Variants in UBE2E2 observed in about 807,000 individuals in gnomAD.
UBE2E2 encodes ubiquitin conjugating enzyme E2 E2.
UBE2E2 carries 6 observed loss-of-function variants against 24.7 expected under a neutral mutation model. The ratio of observed to expected loss-of-function variants is 0.24; its 90% confidence interval spans 0.13 to 0.48. The LOEUF (loss-of-function observed/expected upper bound fraction) is 0.48. Ranked by LOEUF, UBE2E2 falls within the 20% of genes least tolerant of loss-of-function variation. The pLI, the probability that UBE2E2 is intolerant of heterozygous loss-of-function variation, is 0.99. For synonymous variants in UBE2E2, 104 were observed against 83.6 expected (o/e 1.24, Z -1.33); for missense variants, 169 against 245.0 (o/e 0.69, Z 2.07).
chr3:23,507,313 A>G (rs1015287408), intron 4 of UBE2E2, among the ~76,000 whole-genome samples: 4 of 152,092 alleles, frequency 2.6e-5, no homozygotes, highest in African/African-American at 7.2e-5. Flanking sequence ...ATTTTTTGCT[A>G]TAGCACCTCT....
chr3:23,366,326 A>T (rs986383164), intron 3 of UBE2E2, among the ~76,000 whole-genome samples: 2 of 152,172 alleles, frequency 1.3e-5, no homozygotes, highest in Non-Finnish European at 2.9e-5. Context: ...TACCTGAAGG[A>T]ATATAAATCA....
rs35038477 is a variant in UBE2E2, at chr3:23,348,347, C to CAAAAAAAAAAAAAAAA, written c.227+131037_227+131052dup. Among the ~76,000 whole-genome samples the CAAAAAAAAAAAAAAAA allele has an allele frequency of 8.9e-4, 109 of 121,932 alleles. 3 individuals are homozygous for CAAAAAAAAAAAAAAAA. Among genetic ancestry groups the CAAAAAAAAAAAAAAAA allele is most frequent in the East Asian group, 5.8e-3 (23 of 3,960 alleles). The allele number at this position is 121,932 out of a possible 152,430, so 80.0% of individuals were successfully genotyped here. A position where few individuals can be genotyped will look rare whatever the true frequency, so the allele number is the denominator to read the frequency against. On this transcript the variant is annotated intron_variant, in intron 3 of 5. Coordinates refer to ENST00000396703, the MANE Select transcript of UBE2E2 (RefSeq NM_152653.4). ...GAATAAAATGAGCCTGTGCTGCTTT[C>CAAAAAAAAAAAAAAAA]AAAAAAAAAAAAAAAAAGAATAGTC... is the stretch of plus-strand genomic sequence containing the variant.
intron 5 of UBE2E2, among the ~76,000 whole-genome samples, chr3:23,568,494 A>G (rs1042573602): frequency 6.6e-6 from 1 of 151,834 alleles, no homozygotes; most frequent in African/African-American, 2.4e-5. Flanking sequence ...CTTGTCTGTC[A>G]TAGCCAGAGA....
Position 23,276,427 on chromosome 3 carries a change from T to G in UBE2E2, c.227+59115T>G, listed in dbSNP as rs114346405. ...AATATATAAACTAAGGAGGGGTTAA[T>G]TTACGTTAGCATAGAACTCCCTTTC... is the stretch of plus-strand genomic sequence containing the variant. On this transcript the variant is annotated intron_variant, in intron 3 of 5. Transcript: ENST00000396703. Among the ~76,000 whole-genome samples the G allele has an allele frequency of 7.3e-3, 1,115 of 152,272 alleles. 15 individuals are homozygous for G. The highest frequency in any genetic ancestry group is 0.025 in the African/African-American group (1,051 of 41,552).
intron 5 of UBE2E2, among the ~76,000 whole-genome samples, chr3:23,552,755 C>T (rs1422293696): frequency 6.6e-6 from 1 of 152,142 alleles, no homozygotes; most frequent in Non-Finnish European, 1.5e-5. Context: ...CACATGAATG[C>T]AAGTACATTC....
intron 4 of UBE2E2, among the ~76,000 whole-genome samples, chr3:23,501,042 G>A (rs1179923033): frequency 6.6e-6 from 1 of 152,032 alleles, no homozygotes; most frequent in African/African-American, 2.4e-5. Context: ...CCCTTTACTG[G>A]ATGGGACCCT....
intron 3 of UBE2E2, among the ~76,000 whole-genome samples, chr3:23,307,724 A>G (rs992639574): frequency 2.0e-5 from 3 of 152,180 alleles, no homozygotes; most frequent in Non-Finnish European, 2.9e-5. Context: ...ATTAGTTATG[A>G]ATTATCACAT....
At chr3:23,294,322 T>C (rs566457888) in intron 3 of UBE2E2, among the ~76,000 whole-genome samples, 1 of 152,256 alleles carries the variant, frequency 6.6e-6, no homozygotes, top group South Asian at 2.1e-4. Flanking sequence ...ATTTATTATA[T>C]GCTTTTTCCT....
intron 3 of UBE2E2, among the ~76,000 whole-genome samples, chr3:23,488,988 C>T (rs962447679): frequency 3.3e-5 from 5 of 152,094 alleles, no homozygotes; most frequent in African/African-American, 1.2e-4. Context: ...CTCTGGTGTC[C>T]TGTCAAGCAG....
At chr3:23,522,115 A>G (rs1694880321) in intron 4 of UBE2E2, among the ~76,000 whole-genome samples, 1 of 150,052 alleles carries the variant, frequency 6.7e-6, no homozygotes, top group Non-Finnish European at 1.5e-5. Context: ...TAGAAAACTC[A>G]TATAACCAGC....
At chr3:23,227,870 ACTTC>A (rs1393195428) in intron 3 of UBE2E2, among the ~76,000 whole-genome samples, 1 of 152,136 alleles carries the variant, frequency 6.6e-6, no homozygotes, top group South Asian at 2.1e-4. Context: ...TCATTTCTGT[ACTTC>A]CTTTTATAAT....
chr3:23,255,334 T>C (rs1184887591), intron 3 of UBE2E2, among the ~76,000 whole-genome samples: 3 of 151,810 alleles, frequency 2.0e-5, no homozygotes, highest in Non-Finnish European at 2.9e-5. Flanking sequence ...GCTCAAGCGA[T>C]CCGTGTTCCT....
At chr3:23,245,498 A>G (rs1207023834) in intron 3 of UBE2E2, among the ~76,000 whole-genome samples, 1 of 152,186 alleles carries the variant, frequency 6.6e-6, no homozygotes, top group African/African-American at 2.4e-5. Flanking sequence ...CTTAAAGGAT[A>G]TAATTCTTTC....
rs547115357 is a variant in UBE2E2 at position 23,411,967 on chromosome 3, A to G, written c.228-87641A>G. On this transcript the variant is annotated intron_variant, in intron 3 of 5. Transcript: ENST00000396703. ...AATCACAGTTGCTTGTCTACAATGTATATAAGTGTAGAGAGAAGTAGAGTT... is the reference window on the plus strand; with the variant it reads ...AATCACAGTTGCTTGTCTACAATGTGTATAAGTGTAGAGAGAAGTAGAGTT... Among the ~76,000 whole-genome samples, 12 of 152,306 alleles carry G rather than the reference A, an allele frequency of 7.9e-5. No individual in the cohort carries two copies. The South Asian group carries it at 2.1e-3, about 26-fold the overall frequency.
chr3:23,502,917 A>G (rs1328142683), intron 4 of UBE2E2, among the ~76,000 whole-genome samples: 1 of 152,152 alleles, frequency 6.6e-6, no homozygotes, highest in African/African-American at 2.4e-5. Flanking sequence ...ATTGCATTTG[A>G]TGTCAGGTCT....
chr3:23,443,065 A>C (rs914261831), intron 3 of UBE2E2, among the ~76,000 whole-genome samples: 1 of 152,192 alleles, frequency 6.6e-6, no homozygotes, highest in Non-Finnish European at 1.5e-5. Flanking sequence ...CTCTGGCCAC[A>C]CAGCATTCTT....
At chr3:23,373,030 A>G (rs1013790946) in intron 3 of UBE2E2, among the ~76,000 whole-genome samples, 2 of 152,128 alleles carry the variant, frequency 1.3e-5, no homozygotes, top group Admixed American at 1.3e-4. Context: ...AAATGCTGGG[A>G]CCTTCCTATT....
At chr3:23,220,534 C>G (rs1466030146) in intron 3 of UBE2E2, among the ~76,000 whole-genome samples, 2 of 152,156 alleles carry the variant, frequency 1.3e-5, no homozygotes, top group Admixed American at 6.5e-5. Context: ...AGAGTATTTC[C>G]TATAAGTAGT....
chr3:23,484,208 C>A (rs1699314232), intron 3 of UBE2E2, among the ~76,000 whole-genome samples: 1 of 152,158 alleles, frequency 6.6e-6, no homozygotes, highest in Non-Finnish European at 1.5e-5. Context: ...CTCCCTATAC[C>A]AGTTAAAATC....
Sources: allele counts gnomAD v4.1 joint callset (sites outside exome capture counted in the v4.1 genomes callset), GRCh38; gene constraint gnomAD v4.1.1; transcripts MANE v1.5; gene names NCBI Gene and HGNC (gene_info 2026-07-23, HGNC 2026-07-21).